Variants in MYT1L observed in about 807,000 individuals in gnomAD.
The protein encoded by MYT1L is myelin transcription factor 1 like.
Under a neutral mutation model 126.7 loss-of-function variants are expected in MYT1L, and 12 were observed. The ratio of observed to expected loss-of-function variants is 0.09; its 90% CI spans 0.06 to 0.15. The LOEUF is 0.15. Among genes scored for constraint, MYT1L ranks in the 10% least tolerant of loss-of-function variants. The pLI, the probability that MYT1L is intolerant of heterozygous loss-of-function variation, is 1.00. For synonymous variants in MYT1L, 541 were observed against 604.2 expected (o/e 0.90, Z 1.53); for missense variants, 979 against 1,585.2 (o/e 0.62, Z 6.49).
intron 14 of MYT1L, among the ~76,000 whole-genome samples, chr2:1,900,790 T>C (rs181937636): frequency 7.2e-5 from 11 of 152,294 alleles, no homozygotes; most frequent in Middle Eastern, 3.4e-3. Context: ...TTGCTCTGTT[T>C]TCCTGAAGCC....
chr2:2,218,625 C>T (rs1266632921), intron 2 of MYT1L, among the ~76,000 whole-genome samples: 5 of 113,808 alleles, frequency 4.4e-5, no homozygotes, highest in Admixed American at 3.5e-4. Flanking sequence ...ATGAAGTTTA[C>T]CACTTGACTG....
intron 4 of MYT1L, among the ~76,000 whole-genome samples, chr2:2,043,019 T>G (rs1321678057): frequency 6.6e-6 from 1 of 152,146 alleles, no homozygotes; most frequent in African/African-American, 2.4e-5. Context: ...TCTGTTTCCC[T>G]AAAACTTGTC....
rs1377509870 is a variant in MYT1L at position 1,790,670 on chromosome 2, C to T, written c.*1197G>A. On this transcript the variant is annotated 3_prime_UTR_variant, in exon 25 of 25. Coordinates refer to ENST00000647738, the MANE Select transcript of MYT1L (RefSeq NM_001303052.2). ...AGAGTCCTCTGAATAGGACCAAATG[C>T]TGATTCAGAGTCAAAGTCGGGCGGG... The T allele has an allele frequency of 6.5e-6, 1 of 154,544 alleles. No homozygotes were observed. The highest frequency in any genetic ancestry group is 1.4e-5 in the Non-Finnish European group (1 of 69,510). The allele number at this position is 154,544 out of a possible 1,614,324, so 9.6% of individuals were successfully genotyped here.
intron 8 of MYT1L, among the ~76,000 whole-genome samples, chr2:1,945,287 G>A (rs563958773): frequency 6.6e-6 from 1 of 152,360 alleles, no homozygotes; most frequent in African/African-American, 2.4e-5. Flanking sequence ...TAGGTGCGAA[G>A]CGGAGGACAG....
chr2:1,907,839 G>C (rs1354953345), intron 13 of MYT1L, among the ~76,000 whole-genome samples: 2 of 152,262 alleles, frequency 1.3e-5, no homozygotes, highest in African/African-American at 2.4e-5. Context: ...GCTGGGACAG[G>C]GACTTGTCCT....
intron 2 of MYT1L, among the ~76,000 whole-genome samples, chr2:2,210,004 C>T (rs763132829): frequency 6.6e-5 from 10 of 152,196 alleles, no homozygotes; most frequent in Non-Finnish European, 1.2e-4. Context: ...AAGATGAGAT[C>T]TCCCTGCAGG....
At chr2:2,202,573 A>C in intron 2 of MYT1L, among the ~76,000 whole-genome samples, 1 of 152,224 alleles carries the variant, frequency 6.6e-6, no homozygotes, top group East Asian at 1.9e-4. Context: ...CTAAACCAGG[A>C]AGAAGTTGAA....
At chr2:1,805,489 C>T (rs1488284706) in intron 22 of MYT1L, among the ~76,000 whole-genome samples, 7 of 152,210 alleles carry the variant, frequency 4.6e-5, no homozygotes, top group African/African-American at 9.7e-5. Flanking sequence ...TGGTGGCTCA[C>T]GCCTATAATC....
At chr2:2,213,347 A>G (rs2093587960) in intron 2 of MYT1L, among the ~76,000 whole-genome samples, 1 of 152,174 alleles carries the variant, frequency 6.6e-6, no homozygotes, top group African/African-American at 2.4e-5. Flanking sequence ...AGGGAGACCA[A>G]TATAGCTAGA....
At chr2:1,944,221 T>TC (rs1353554393) in intron 8 of MYT1L, among the ~76,000 whole-genome samples, 2 of 152,134 alleles carry the variant, frequency 1.3e-5, no homozygotes, top group African/African-American at 4.8e-5. Flanking sequence ...CCTAATGCTA[T>TC]CCCTCCCCGC....
intron 24 of MYT1L, 65 bp downstream of exon 24, chr2:1,792,256 C>A: frequency 6.7e-7 from 1 of 1,486,064 alleles, no homozygotes; most frequent in Non-Finnish European, 9.0e-7. Flanking sequence ...ATAAAAACGG[C>A]ATCTACTTTA....
chr2:2,319,703 C>T (rs1367365078), intron 1 of MYT1L, among the ~76,000 whole-genome samples: 1 of 151,840 alleles, frequency 6.6e-6, no homozygotes, highest in Non-Finnish European at 1.5e-5. Context: ...TTTCAAAATG[C>T]ATTCAAGAAA....
intron 4 of MYT1L, among the ~76,000 whole-genome samples, chr2:2,048,486 G>A (rs572485107): frequency 2.0e-4 from 30 of 152,158 alleles, no homozygotes; most frequent in South Asian, 4.1e-4. Context: ...ACCTGACACC[G>A]CTGGGACCTC....
At chr2:2,132,729 T>G (rs2082542500) in intron 3 of MYT1L, among the ~76,000 whole-genome samples, 1 of 152,082 alleles carries the variant, frequency 6.6e-6, no homozygotes, top group Non-Finnish European at 1.5e-5. Flanking sequence ...ATCCCAGAAC[T>G]TAAAAGTAAA....
intron 3 of MYT1L, among the ~76,000 whole-genome samples, chr2:2,074,484 G>C (rs984473172): frequency 1.4e-4 from 21 of 152,124 alleles, no homozygotes; most frequent in African/African-American, 4.8e-4. Flanking sequence ...GATAATTCCA[G>C]AGAAAAAGAT....
intron 2 of MYT1L, among the ~76,000 whole-genome samples, chr2:2,177,872 T>C (rs1001507007): frequency 2.0e-5 from 3 of 152,116 alleles, no homozygotes; most frequent in Non-Finnish European, 4.4e-5. Flanking sequence ...AATCATATAA[T>C]AGGGGCATGT....
intron 22 of MYT1L, among the ~76,000 whole-genome samples, chr2:1,804,710 G>A (rs910201502): frequency 7.2e-5 from 11 of 152,202 alleles, no homozygotes; most frequent in Non-Finnish European, 1.5e-4. Context: ...TAATGGCTTG[G>A]TGGAATTTCC....
chr2:2,300,123 G>A (rs959728125), intron 1 of MYT1L, among the ~76,000 whole-genome samples: 1 of 152,184 alleles, frequency 6.6e-6, no homozygotes, highest in Non-Finnish European at 1.5e-5. Flanking sequence ...CTGTGAAAAT[G>A]TGTCTTCTTT....
intron 3 of MYT1L, among the ~76,000 whole-genome samples, chr2:2,122,530 C>G (rs1436695552): frequency 6.6e-6 from 1 of 152,184 alleles, no homozygotes; most frequent in African/African-American, 2.4e-5. Flanking sequence ...ACATGTGTAA[C>G]ACGCTATCAT....
Sources: allele counts gnomAD v4.1 joint callset (sites outside exome capture counted in the v4.1 genomes callset), GRCh38; gene constraint gnomAD v4.1.1; transcripts MANE v1.5; gene names NCBI Gene and HGNC (gene_info 2026-07-23, HGNC 2026-07-21).